The following MACROD2 variants were observed in gnomAD, a reference collection of about 807,000 sequenced individuals.
The protein encoded by MACROD2 is ADP-ribose glycohydrolase MACROD2.
A neutral mutation model predicts 70.4 loss-of-function variants in MACROD2; 36 were observed. The ratio of observed to expected loss-of-function variants is 0.51; its 90% CI spans 0.39 to 0.68. The LOEUF is 0.68. MACROD2 is among the 30% of genes least tolerant of loss of function. The probability of loss-of-function intolerance (pLI) is 0.00; values close to 1 mark genes in which losing one functional copy is unlikely to be tolerated. For synonymous variants in MACROD2, 172 were observed against 178.8 expected (o/e 0.96, Z 0.30); for missense variants, 496 against 538.4 (o/e 0.92, Z 0.78).
chr20:15,585,335 T>C (rs2048583773), intron 8 of MACROD2, among the ~76,000 whole-genome samples: 1 of 152,042 alleles, frequency 6.6e-6, no homozygotes, highest in Admixed American at 6.6e-5. Context: ...TAGCTGGGAT[T>C]ACAGGCATGC....
chr20:14,590,357 G>T (rs1981680877), intron 4 of MACROD2, among the ~76,000 whole-genome samples: 1 of 152,110 alleles, frequency 6.6e-6, no homozygotes, highest in Non-Finnish European at 1.5e-5. Context: ...TACTTACTAG[G>T]TAAGGTGGTA....
At chr20:15,247,362 A>G (rs116942888) in intron 6 of MACROD2, among the ~76,000 whole-genome samples, 8 of 152,248 alleles carry the variant, frequency 5.3e-5, no homozygotes, top group Non-Finnish European at 1.2e-4. Context: ...TGATAAAGAG[A>G]GTTTGCATGA....
At chr20:14,394,965 C>A (rs555251858) in intron 3 of MACROD2, among the ~76,000 whole-genome samples, 1 of 152,028 alleles carries the variant, frequency 6.6e-6, no homozygotes, top group Non-Finnish European at 1.5e-5. Flanking sequence ...AATATGCTAT[C>A]TTTTTAATAT....
chr20:15,667,980 C>T (rs946425672), intron 8 of MACROD2, among the ~76,000 whole-genome samples: 14 of 152,224 alleles, frequency 9.2e-5, no homozygotes, highest in South Asian at 2.1e-4. Flanking sequence ...GAGGCAGGCA[C>T]GGTGGCTCAC....
At chr20:14,475,984 A>G (rs1456014884) in intron 3 of MACROD2, among the ~76,000 whole-genome samples, 3 of 152,128 alleles carry the variant, frequency 2.0e-5, no homozygotes, top group Non-Finnish European at 2.9e-5. Flanking sequence ...ATTTGAATGA[A>G]AACATGAGCC....
chr20:15,467,312 A>G (rs960658697), intron 7 of MACROD2, among the ~76,000 whole-genome samples: 1 of 152,238 alleles, frequency 6.6e-6, no homozygotes, highest in Non-Finnish European at 1.5e-5. Context: ...CTAGCTGTCC[A>G]CAGTGGCAAC....
At chr20:15,476,075 A>G (rs775503242) in intron 7 of MACROD2, among the ~76,000 whole-genome samples, 3 of 152,236 alleles carry the variant, frequency 2.0e-5, no homozygotes, top group Non-Finnish European at 2.9e-5. Context: ...GTTTGAGGCC[A>G]AATACATCTT....
At chr20:15,946,741 C>A (rs1241790629) in intron 12 of MACROD2, among the ~76,000 whole-genome samples, 1 of 152,160 alleles carries the variant, frequency 6.6e-6, no homozygotes, top group East Asian at 1.9e-4. Context: ...ACAAATAAGA[C>A]ACAGAGACAA....
intron 5 of MACROD2, among the ~76,000 whole-genome samples, chr20:14,991,050 T>A (rs1397157088): frequency 6.6e-6 from 1 of 152,212 alleles, no homozygotes; most frequent in Non-Finnish European, 1.5e-5. Context: ...GTGAAACTCC[T>A]TACACTGTTG....
intron 5 of MACROD2, among the ~76,000 whole-genome samples, chr20:15,049,587 G>A (rs929375488): frequency 6.6e-6 from 1 of 152,076 alleles, no homozygotes; most frequent in Non-Finnish European, 1.5e-5. Flanking sequence ...TATAGTCAAG[G>A]CATAGTGTGC....
chr20:14,714,356 C>T (rs1410608268), intron 5 of MACROD2, among the ~76,000 whole-genome samples: 2 of 152,048 alleles, frequency 1.3e-5, no homozygotes, highest in South Asian at 2.1e-4. Context: ...ACACAGTAGC[C>T]CCCAACTCAT....
intron 3 of MACROD2, among the ~76,000 whole-genome samples, chr20:14,161,570 C>A (rs2055189345): frequency 6.7e-6 from 1 of 149,706 alleles, no homozygotes; most frequent in East Asian, 2.0e-4. Flanking sequence ...TTGATAGACC[C>A]TTTGGTTTTT....
intron 5 of MACROD2, among the ~76,000 whole-genome samples, chr20:14,847,297 C>A: frequency 6.6e-6 from 1 of 152,036 alleles, no homozygotes; most frequent in East Asian, 1.9e-4. Context: ...TTTATTTATG[C>A]ATTTATTTCA....
chr20:15,856,430 A>G (rs1215387658), intron 8 of MACROD2, among the ~76,000 whole-genome samples: 1 of 152,180 alleles, frequency 6.6e-6, no homozygotes, highest in Non-Finnish European at 1.5e-5. Flanking sequence ...AGTGCTTTGC[A>G]AAACCATCTA....
chr20:15,931,226 C>T (rs1052772269), intron 10 of MACROD2, among the ~76,000 whole-genome samples: 2 of 152,136 alleles, frequency 1.3e-5, no homozygotes, highest in African/African-American at 2.4e-5. Context: ...AGAGCAAAGG[C>T]CAATGCTGTT....
intron 3 of MACROD2, among the ~76,000 whole-genome samples, chr20:14,230,663 C>A (rs2081798561): frequency 3.1e-5 from 1 of 32,770 alleles, no homozygotes. Flanking sequence ...ATAACACAGG[C>A]TGGGCCTATA....
chr20:15,494,423 T>G (rs2047268434), intron 7 of MACROD2, among the ~76,000 whole-genome samples: 1 of 152,130 alleles, frequency 6.6e-6, no homozygotes, highest in Non-Finnish European at 1.5e-5. Flanking sequence ...GGGAATAGTC[T>G]AGTTGTTCAT....
intron 5 of MACROD2, among the ~76,000 whole-genome samples, chr20:14,752,114 T>C (rs1386390362): frequency 6.7e-6 from 1 of 149,104 alleles, no homozygotes; most frequent in Non-Finnish European, 1.5e-5. Flanking sequence ...ATATGGCCTC[T>C]CTACTTAGTG....
chr20:15,136,057 AAAGAG>A (rs1269735053), intron 5 of MACROD2, among the ~76,000 whole-genome samples: 1 of 148,948 alleles, frequency 6.7e-6, no homozygotes, highest in Non-Finnish European at 1.5e-5. Flanking sequence ...CAATGAAATA[AAAGAG>A]GATACAAACA....
Sources: gnomAD v4.1 joint callset for allele counts (sites outside exome capture counted in the v4.1 genomes callset) on GRCh38, gnomAD v4.1.1 for gene constraint, MANE v1.5 for transcripts, NCBI Gene and HGNC (gene_info 2026-07-23, HGNC 2026-07-21) for gene names.